The following TRPM4 variants were observed in gnomAD, a reference collection of about 807,000 sequenced individuals.
The protein encoded by TRPM4 is calcium-activated non-selective cation channel 1.
A neutral mutation model predicts 135.6 loss-of-function variants in TRPM4; 124 were observed. The ratio of observed to expected loss-of-function variants is 0.91; its 90% confidence interval spans 0.79 to 1.06. The LOEUF is 1.06. Among genes scored for constraint, TRPM4 ranks in the 50% least tolerant of loss-of-function variants. The probability of loss-of-function intolerance (pLI) is 0.00; values close to 1 mark genes in which losing one functional copy is unlikely to be tolerated. For synonymous variants in TRPM4, 745 were observed against 705.6 expected, an observed-to-expected ratio of 1.06 and a Z score of -0.88; for missense variants, 1,658 against 1,671.4, an observed-to-expected ratio of 0.99 and a Z score of 0.14.
intron 20 of TRPM4, among the ~76,000 whole-genome samples, chr19:49,204,098 C>A (rs1042832599): frequency 3.3e-5 from 5 of 152,182 alleles, no homozygotes; most frequent in Non-Finnish European, 7.3e-5. Context: ...CCAGCCTGGG[C>A]AACAGAGCGA....
At chr19:49,170,718 C>T (rs1033510604) in intron 6 of TRPM4, among the ~76,000 whole-genome samples, 4 of 152,108 alleles carry the variant, frequency 2.6e-5, no homozygotes, top group Non-Finnish European at 5.9e-5. Flanking sequence ...AGGTCCTCAG[C>T]CCCCTCCTCC....
intron 17 of TRPM4, among the ~76,000 whole-genome samples, chr19:49,197,724 C>T (rs1310086979): frequency 6.6e-6 from 1 of 151,416 alleles, no homozygotes; most frequent in African/African-American, 2.4e-5. Flanking sequence ...GCTGTGTCGC[C>T]CAGACTGGAG....
At chr19:49,205,509 A>C (rs1403473839) in intron 20 of TRPM4, among the ~76,000 whole-genome samples, 1 of 144,740 alleles carries the variant, frequency 6.9e-6, no homozygotes, top group Non-Finnish European at 1.5e-5. Flanking sequence ...CTGAGGCACT[A>C]TGGGTTATGA....
chr19:49,195,060 C>G (rs921148517), intron 16 of TRPM4, among the ~76,000 whole-genome samples: 6 of 151,630 alleles, frequency 4.0e-5, no homozygotes, highest in African/African-American at 1.5e-4. Flanking sequence ...CCACGCCCAG[C>G]CTCACTTTTT....
chr19:49,204,957 A>G (rs1013013020), intron 20 of TRPM4, among the ~76,000 whole-genome samples: 2 of 140,560 alleles, frequency 1.4e-5, no homozygotes, highest in Non-Finnish European at 3.1e-5. Flanking sequence ...TGCTGAGAAA[A>G]TATAAAATTT....
chr19:49,200,283 A>C lies in TRPM4; in HGVS notation c.2646-17A>C, dbSNP rs116370720. The stretch of plus-strand genomic sequence containing the variant: ...TCTTGTGACACTTGACCCTTGTGGC[A>C]TCTCCCCACACCCCAGGCTGACCCC... On this transcript the variant is annotated splice_polypyrimidine_tract_variant and intron_variant, in intron 17 of 24. Coordinates refer to ENST00000252826, the MANE Select transcript of TRPM4 (RefSeq NM_017636.4). 1.2e-6 allele frequency: 2 copies of C among 1,613,996 alleles called. No individual in the cohort carries two copies. Among genetic ancestry groups the C allele is most frequent in the Non-Finnish European group, 1.7e-6 (2 of 1,180,010 alleles).
In TRPM4 at chr19:49,210,230, G is replaced by A. The variant is rs759238696; in HGVS notation, c.3153G>A (p.Gln1051=). 1.2e-6 allele frequency: 2 copies of A among 1,614,118 alleles called. No homozygotes were observed. The highest frequency in any genetic ancestry group is 1.1e-5 in the South Asian group (1 of 91,092). ...GCAGTTACACATTCGGCAAAGTACA[G>A]GGCAACAGCGATCTCTACTGGAAGG... The part of the protein sequence containing the change: ...AMFSYTFGKV[Q]GNSDLYWKAQ... The change falls in exon 21 of 25, where the codon CAG becomes CAA. Residue 1051 remains glutamine (Q), a synonymous_variant. Transcript: ENST00000252826. The surrounding 1 kb of genome is among the most constrained non-coding windows in gnomAD (Gnocchi z 4.1).
rs1251743505 is a variant in TRPM4 at position 49,211,700 on chromosome 19, A to C, written c.*202A>C. On this transcript the variant is annotated 3_prime_UTR_variant, in exon 25 of 25. Transcript: ENST00000252826. The surrounding 1 kb of genome is among the most constrained non-coding windows in gnomAD (Gnocchi z 4.8). The stretch of plus-strand genomic sequence containing the variant: ...CCCGGCTCCTCCCAGAACCAGTCCC[A>C]GCCTGGGAGGATCAAGGCCTGGATC... The C allele has an allele frequency of 1.4e-6, 1 of 694,552 alleles. No individual in the cohort carries two copies. Among genetic ancestry groups the C allele is most frequent in the African/African-American group, 1.8e-5 (1 of 56,134 alleles). 43.0% of individuals were successfully genotyped at this position (694,552 alleles called of 1,614,324 possible). A position where few individuals can be genotyped will look rare whatever the true frequency, so the allele number is the denominator to read the frequency against.
At position 49,200,690 on chromosome 19, in the gene TRPM4, G is replaced by A. The variant is rs1968893200; in HGVS notation, c.2858G>A (p.Arg953Lys). 1 of 1,613,948 alleles carries A rather than the reference G, an allele frequency of 6.2e-7. No individual in the cohort carries two copies. The highest frequency in any genetic ancestry group is 1.3e-5 in the African/African-American group (1 of 74,906). The change falls in exon 19 of 25, where the codon AGG becomes AAG. Residue 953 changes from arginine to lysine, a missense_variant. Physicochemically the swap from Arg to Lys is conservative, Grantham distance 26 (BLOSUM62 2). This residue lies in a region of TRPM4 where 1,412 missense variants were observed against 1,408.7 expected (regional missense o/e 1.00). Transcript: ENST00000252826. The stretch of plus-strand genomic sequence containing the variant: ...GGCGTGGCCACGGAGGGGCTCCTGA[G>A]GCCACGGGACAGTGACTTCCCAAGT... Reference protein sequence around the residue: ...AYGVATEGLLRPRDSDFPSIL... With the variant: ...AYGVATEGLLKPRDSDFPSIL...
chr19:49,197,945 T>C (rs1301331646), intron 17 of TRPM4, among the ~76,000 whole-genome samples: 1 of 151,978 alleles, frequency 6.6e-6, no homozygotes, highest in Non-Finnish European at 1.5e-5. Context: ...GGCCTTAGCC[T>C]CTGAAAGTGC....
At chr19:49,194,753 T>TC (rs2123029923) in intron 16 of TRPM4, among the ~76,000 whole-genome samples, 1 of 74,104 alleles carries the variant, frequency 1.3e-5, no homozygotes, top group African/African-American at 6.1e-5. Flanking sequence ...CCTCTCTCCC[T>TC]CCCCCCAACC....
intron 2 of TRPM4, 57 bp downstream of exon 2, chr19:49,158,316 C>G: frequency 1.3e-6 from 2 of 1,493,340 alleles, no homozygotes; most frequent in Non-Finnish European, 1.9e-6. Flanking sequence ...TGACCCCGCC[C>G]GCGGATGGTC....
At chr19:49,173,839 A>T (rs915733150) in intron 9 of TRPM4, among the ~76,000 whole-genome samples, 11 of 151,828 alleles carry the variant, frequency 7.2e-5, no homozygotes, top group East Asian at 3.9e-4. Flanking sequence ...ACAAAAAAAA[A>T]ATTTTTTTTT....
chr19:49,181,677 G>A lies in TRPM4; in HGVS notation c.1263+216G>A, dbSNP rs111390774. 9.5e-3 allele frequency among the ~76,000 whole-genome samples: 1,445 copies of A among 151,488 alleles called. 23 individuals carry two copies. Among genetic ancestry groups the A allele is most frequent in the African/African-American group, 0.033 (1,373 of 41,230 alleles). ...CTCCCGAGTAGCTGGGACTACAGGCGCCCGCCACCACACCCAGCTAATTTT... is the reference window on the plus strand; with the variant it reads ...CTCCCGAGTAGCTGGGACTACAGGCACCCGCCACCACACCCAGCTAATTTT... On this transcript the variant is annotated intron_variant, in intron 10 of 24. Transcript: ENST00000252826.
intron 20 of TRPM4, among the ~76,000 whole-genome samples, chr19:49,208,956 C>CA (rs35021741): frequency 0.051 from 5,294 of 103,986 alleles, 287 homozygotes; most frequent in African/African-American, 0.15. Flanking sequence ...AAGACTCCAT[C>CA]AAAAAAAAAA....
intron 5 of TRPM4, 49 bp downstream of exon 5, chr19:49,168,472 G>A (rs1372225941): frequency 6.2e-7 from 1 of 1,613,856 alleles, no homozygotes. Flanking sequence ...GGACTCCTGG[G>A]TCTGAGGGAG....
At chr19:49,175,104 T>G (rs552309587) in intron 9 of TRPM4, among the ~76,000 whole-genome samples, 2 of 142,880 alleles carry the variant, frequency 1.4e-5, no homozygotes, top group East Asian at 4.1e-4. Flanking sequence ...AGACGGAGTT[T>G]CGCTCTTGTT....
Position 49,196,406 on chromosome 19 carries a change from G to A in TRPM4, c.2211-34G>A, listed in dbSNP as rs751870156. ...GAGATCAGGACTCAGAGGTCAGAGT[G>A]AGGCCTCCTCCCTTCTCTTCTCTTC... is the stretch of plus-strand genomic sequence containing the variant. On this transcript the variant is annotated intron_variant, in intron 16 of 24. Transcript: ENST00000252826. 9 of 1,507,218 alleles carry A rather than the reference G, an allele frequency of 6.0e-6. No individual in the cohort carries two copies. The South Asian group carries it at 7.8e-5, about 13-fold the overall frequency. The allele number at this position is 1,507,218 out of a possible 1,614,324, so 93.4% of individuals were successfully genotyped here. A position where few individuals can be genotyped will look rare whatever the true frequency, so the allele number is the denominator to read the frequency against.
At chr19:49,185,182 A>G (rs1331221214) in intron 12 of TRPM4, among the ~76,000 whole-genome samples, 1 of 151,742 alleles carries the variant, frequency 6.6e-6, no homozygotes, top group African/African-American at 2.4e-5. Flanking sequence ...GATAGTTTCT[A>G]TTCATTTATT....
Sources: allele counts gnomAD v4.1 joint callset (sites outside exome capture counted in the v4.1 genomes callset), GRCh38; gene constraint gnomAD v4.1.1; regional missense constraint gnomAD v4.1.1; non-coding constraint Gnocchi (gnomAD v3.1); transcripts MANE v1.5; gene names NCBI Gene and HGNC (gene_info 2026-07-23, HGNC 2026-07-21).